Variants in SGMS2 observed in about 807,000 individuals in gnomAD.
SGMS2 encodes phosphatidylcholine:ceramide cholinephosphotransferase 2.
A neutral mutation model predicts 43.8 loss-of-function variants in SGMS2; 21 were observed. The observed-to-expected ratio is 0.48, with a 90% CI of 0.34 to 0.69. The LOEUF is 0.69. Among genes scored for constraint, SGMS2 ranks in the 30% least tolerant of loss-of-function variants. The pLI, the probability that SGMS2 is intolerant of heterozygous loss-of-function variation, is 0.01. For missense variants in SGMS2, 384 were observed against 443.2 expected (o/e 0.87, Z 1.20); for synonymous variants, 167 against 160.6 (o/e 1.04, Z -0.30).
rs533447831 is a variant in SGMS2, at chr4:107,859,642, C to T, written c.-245+1089C>T. ...CTTTCTATGTGCCAGGCATTCTTGT[C>T]AGTGTTGCGAATGAGGCAGTGAACA... On this transcript the variant is annotated intron_variant, in intron 2 of 6. Transcript: ENST00000690982. Among the ~76,000 whole-genome samples, 5 of 152,214 alleles carry T rather than the reference C, an allele frequency of 3.3e-5. No homozygotes were observed. In the South Asian group the frequency reaches 1.0e-3, roughly 32 times the overall value.
intron 2 of SGMS2, among the ~76,000 whole-genome samples, chr4:107,891,495 CTTG>C (rs34574230): frequency 0.15 from 22,586 of 151,902 alleles, 2,198 homozygotes; most frequent in African/African-American, 0.27. Flanking sequence ...GTGAAGCAGC[CTTG>C]TTGTCTGGGG....
chr4:107,873,684 T>C (rs1352624365), intron 2 of SGMS2, among the ~76,000 whole-genome samples: 3 of 152,148 alleles, frequency 2.0e-5, no homozygotes, highest in African/African-American at 7.2e-5. Context: ...TTAGTTTTAA[T>C]TGTGGTTCTG....
intron 1 of SGMS2, among the ~76,000 whole-genome samples, chr4:107,842,823 T>A (rs1242365891): frequency 6.6e-6 from 1 of 152,178 alleles, no homozygotes; most frequent in East Asian, 1.9e-4. Flanking sequence ...CGGAGCTGAT[T>A]TTCCCCCTTT....
intron 2 of SGMS2, among the ~76,000 whole-genome samples, chr4:107,872,953 A>G (rs1209035576): frequency 3.3e-5 from 5 of 152,190 alleles, no homozygotes; most frequent in African/African-American, 4.8e-5. Flanking sequence ...TCTGAACAGT[A>G]GTAGAATTAC....
intron 1 of SGMS2, among the ~76,000 whole-genome samples, chr4:107,825,530 A>G (rs973269662): frequency 2.6e-5 from 4 of 152,112 alleles, no homozygotes; most frequent in African/African-American, 7.2e-5. Flanking sequence ...CAGATTGTCC[A>G]GAACCACTCC....
intron 2 of SGMS2, among the ~76,000 whole-genome samples, chr4:107,884,469 C>T (rs1729586231): frequency 6.8e-6 from 1 of 147,904 alleles, no homozygotes; most frequent in Non-Finnish European, 1.5e-5. Flanking sequence ...ACTTTTTCTT[C>T]TAAAATGCTT....
intron 5 of SGMS2, among the ~76,000 whole-genome samples, chr4:107,906,704 C>T (rs149797672): frequency 1.1e-4 from 17 of 152,298 alleles, no homozygotes; most frequent in African/African-American, 4.1e-4. Context: ...GGTAGCATAA[C>T]AGGAAATACA....
chr4:107,882,724 T>C (rs114340548), intron 2 of SGMS2, among the ~76,000 whole-genome samples: 3,828 of 152,292 alleles, frequency 0.025, 173 homozygotes, highest in African/African-American at 0.088. Flanking sequence ...TTGATTTTTT[T>C]AATGGCTTTA....
At chr4:107,827,889 C>G (rs1310621923) in intron 1 of SGMS2, among the ~76,000 whole-genome samples, 14 of 151,964 alleles carry the variant, frequency 9.2e-5, no homozygotes, top group Non-Finnish European at 1.8e-4. Context: ...GGGAGGCTGA[C>G]GCAGGAGAAT....
At chr4:107,890,286 G>A (rs1301617126) in intron 2 of SGMS2, among the ~76,000 whole-genome samples, 1 of 152,138 alleles carries the variant, frequency 6.6e-6, no homozygotes, top group Non-Finnish European at 1.5e-5. Flanking sequence ...TTATAAACTA[G>A]TTTAGGTCCC....
Position 107,860,258 on chromosome 4 carries a change from C to G in SGMS2, c.-245+1705C>G, listed in dbSNP as rs138065925. Among the ~76,000 whole-genome samples, 176 of 152,116 alleles carry G rather than the reference C, an allele frequency of 1.2e-3. 1 individual carries two copies. Among genetic ancestry groups the G allele is most frequent in the African/African-American group, 4.0e-3 (164 of 41,512 alleles). ...GACTTAATAAGCTAGTACTAAGACA[C>G]TTTCCTCATTCTTTTTTTAAAGCAG... is the stretch of plus-strand genomic sequence containing the variant. On this transcript the variant is annotated intron_variant, in intron 2 of 6. Transcript: ENST00000690982.
At chr4:107,909,603 C>T (rs1367094280) in intron 6 of SGMS2, among the ~76,000 whole-genome samples, 3 of 152,184 alleles carry the variant, frequency 2.0e-5, no homozygotes, top group Non-Finnish European at 4.4e-5. Context: ...TCAAATGCCA[C>T]CTCTTCCAGG....
At chr4:107,833,924 G>A (rs1308650096) in intron 1 of SGMS2, among the ~76,000 whole-genome samples, 1 of 152,218 alleles carries the variant, frequency 6.6e-6, no homozygotes, top group Non-Finnish European at 1.5e-5. Context: ...GAGGCCACAA[G>A]CCAAGGAATG....
chr4:107,847,717 T>C (rs1726914594), intron 1 of SGMS2, among the ~76,000 whole-genome samples: 1 of 152,230 alleles, frequency 6.6e-6, no homozygotes, highest in African/African-American at 2.4e-5. Context: ...TGAAAACAGA[T>C]TATTGTTGTC....
chr4:107,914,710 C>T lies in SGMS2; in HGVS notation c.*4157C>T, dbSNP rs186491413. The T allele has an allele frequency of 2.9e-4, 44 of 152,162 alleles. No individual in the cohort carries two copies. The highest frequency in any genetic ancestry group is 1.0e-3 in the Admixed American group (16 of 15,282). The allele number at this position is 152,162 out of a possible 1,614,324, so 9.4% of individuals were successfully genotyped here. ...AAATTTCAGAAGCTCTTTTTTCCTA[C>T]CCACCAGTACCTTAATCATTGGTTT... On this transcript the variant is annotated 3_prime_UTR_variant, in exon 7 of 7. Transcript: ENST00000690982.
Position 107,855,745 on chromosome 4 carries a change from T to A in SGMS2, c.-326-2727T>A, listed in dbSNP as rs181080906. 2.6e-5 allele frequency among the ~76,000 whole-genome samples: 4 copies of A among 152,288 alleles called. No individual in the cohort carries two copies. In the East Asian group the frequency reaches 7.7e-4, roughly 29 times the overall value. ...GTTTAATTCCAATGTTTTTTACTGA[T>A]TTTCTGCGTGGATGATCTGTCCATT... On this transcript the variant is annotated intron_variant, in intron 1 of 6. Transcript: ENST00000690982.
In SGMS2 at chr4:107,910,596, C is replaced by T. The variant is rs370091879; in HGVS notation, c.*43C>T. On this transcript the variant is annotated 3_prime_UTR_variant, in exon 7 of 7. Transcript: ENST00000690982. Reference sequence around the variant, plus strand: ...TCAGCTCTTACACCAAAAGAGTTAACGCTGTAACCAAAGGTATAGTTTTGT... The same window carrying T: ...TCAGCTCTTACACCAAAAGAGTTAATGCTGTAACCAAAGGTATAGTTTTGT... 165 of 1,572,846 alleles carry T rather than the reference C, an allele frequency of 1.0e-4. No individual in the cohort carries two copies. The highest frequency in any genetic ancestry group is 3.4e-4 in the Middle Eastern group (2 of 5,960).
rs1468152304 is a variant in SGMS2, at chr4:107,895,368, G to C, written c.-186G>C. 2 of 583,602 alleles carry C rather than the reference G, an allele frequency of 3.4e-6. No individual in the cohort carries two copies. Among genetic ancestry groups the C allele is most frequent in the African/African-American group, 1.9e-5 (1 of 53,432 alleles). 36.2% of individuals were successfully genotyped at this position (583,602 alleles called of 1,614,324 possible). ...GGCTTCCTTTCTTGAAAGTGGTGAAGGTACAGCATATAGCTGCATGGAAGA... is the reference window on the plus strand; with the variant it reads ...GGCTTCCTTTCTTGAAAGTGGTGAACGTACAGCATATAGCTGCATGGAAGA... On this transcript the variant is annotated 5_prime_UTR_variant, in exon 3 of 7. Transcript: ENST00000690982.
chr4:107,849,962 T>G (rs555266467), intron 1 of SGMS2, among the ~76,000 whole-genome samples: 22 of 152,334 alleles, frequency 1.4e-4, no homozygotes, highest in African/African-American at 5.0e-4. Flanking sequence ...AAATATCATG[T>G]TGAATTATAA....
Sources: allele counts gnomAD v4.1 joint callset (sites outside exome capture counted in the v4.1 genomes callset), GRCh38; gene constraint gnomAD v4.1.1; transcripts MANE v1.5; gene names NCBI Gene and HGNC (gene_info 2026-07-23, HGNC 2026-07-21).